Variants in RTN4RL1 observed in about 807,000 individuals in gnomAD.
The protein encoded by RTN4RL1 is reticulon-4 receptor-like 1.
A neutral mutation model predicts 25.6 loss-of-function variants in RTN4RL1; 7 were observed. That is an observed-to-expected ratio of 0.27 (90% CI 0.16 to 0.51). The LOEUF (loss-of-function observed/expected upper bound fraction) is 0.51. Among genes scored for constraint, RTN4RL1 ranks in the 20% least tolerant of loss-of-function variants. The pLI is 0.97. For missense variants in RTN4RL1, 500 were observed against 615.6 expected (o/e 0.81, Z 1.99); for synonymous variants, 297 against 288.2 (o/e 1.03, Z -0.31).
intron 1 of RTN4RL1, among the ~76,000 whole-genome samples, chr17:2,011,515 T>A (rs2067049595): frequency 6.6e-6 from 1 of 151,842 alleles, no homozygotes; most frequent in Admixed American, 6.6e-5. Flanking sequence ...AAGGGGTGGG[T>A]CCATGGCTTT....
intron 1 of RTN4RL1, among the ~76,000 whole-genome samples, chr17:1,999,874 G>A (rs928462895): frequency 3.3e-5 from 5 of 152,198 alleles, no homozygotes; most frequent in East Asian, 1.9e-4. Context: ...GCCTCTTCTC[G>A]CCTCTCCTCT....
At chr17:1,971,556 A>G (rs2066818755) in intron 1 of RTN4RL1, among the ~76,000 whole-genome samples, 1 of 152,148 alleles carries the variant, frequency 6.6e-6, no homozygotes, top group Non-Finnish European at 1.5e-5. Context: ...TTGGCTGGGC[A>G]TGGTGGCTCA....
At chr17:1,950,571 G>A (rs1021658804) in intron 1 of RTN4RL1, among the ~76,000 whole-genome samples, 1 of 152,088 alleles carries the variant, frequency 6.6e-6, no homozygotes, top group African/African-American at 2.4e-5. Context: ...AATGAAGCCG[G>A]GGCAGCAGCT....
chr17:1,950,471 T>C (rs888236499), intron 1 of RTN4RL1, among the ~76,000 whole-genome samples: 1 of 152,064 alleles, frequency 6.6e-6, no homozygotes, highest in African/African-American at 2.4e-5. Context: ...GATGTTTAGT[T>C]GGCTGCAGCT....
At chr17:1,940,698 G>C (rs1278028977) in intron 1 of RTN4RL1, among the ~76,000 whole-genome samples, 3 of 152,114 alleles carry the variant, frequency 2.0e-5, no homozygotes, top group African/African-American at 7.2e-5. Flanking sequence ...CTTCCACAGA[G>C]CCGACACTCC....
intron 1 of RTN4RL1, among the ~76,000 whole-genome samples, chr17:2,000,192 C>G (rs1479384564): frequency 6.6e-6 from 1 of 152,212 alleles, no homozygotes; most frequent in African/African-American, 2.4e-5. Context: ...CTACCCAGCC[C>G]GGCCAGGCCT....
intron 1 of RTN4RL1, among the ~76,000 whole-genome samples, chr17:2,022,861 C>T (rs1209206949): frequency 1.3e-5 from 2 of 152,238 alleles, no homozygotes; most frequent in African/African-American, 4.8e-5. Context: ...GGCAAACACA[C>T]GTGACTGCTA....
At chr17:1,941,200 G>A (rs1176329695) in intron 1 of RTN4RL1, among the ~76,000 whole-genome samples, 4 of 152,186 alleles carry the variant, frequency 2.6e-5, no homozygotes, top group Non-Finnish European at 5.9e-5. Context: ...AGCTAATAGC[G>A]GGTCCCACGG....
Position 1,937,333 on chromosome 17 carries a change from G to T in RTN4RL1, c.489C>A (p.Tyr163Ter). ...YLYLQDNHIE[Y>*]LQDDIFVDLV... ...GGTCCACGAAGATGTCGTCCTGGAGGTACTCGATGTGGTTGTCCTGCAGGT... is the reference window on the plus strand; with the variant it reads ...GGTCCACGAAGATGTCGTCCTGGAGTTACTCGATGTGGTTGTCCTGCAGGT... Residue 163 changes from tyrosine (Y) to a stop codon, truncating the protein, a stop_gained, in exon 2 of 2, where the codon TAC becomes TAA. Coordinates refer to ENST00000331238, the MANE Select transcript of RTN4RL1 (RefSeq NM_178568.4). LOFTEE classifies it high-confidence loss of function. The T allele has an allele frequency of 6.2e-7, 1 of 1,613,680 alleles. No individual in the cohort carries two copies. The highest frequency in any genetic ancestry group is 8.5e-7 in the Non-Finnish European group (1 of 1,179,902).
chr17:1,944,392 T>C (rs950801848), intron 1 of RTN4RL1, among the ~76,000 whole-genome samples: 4 of 152,066 alleles, frequency 2.6e-5, no homozygotes, highest in Admixed American at 2.6e-4. Flanking sequence ...CCCACAAGCC[T>C]CCTCCACTCG....
chr17:1,952,663 C>T (rs925164086), intron 1 of RTN4RL1, among the ~76,000 whole-genome samples: 1 of 151,580 alleles, frequency 6.6e-6, no homozygotes, highest in African/African-American at 2.4e-5. Flanking sequence ...CATTTTCATT[C>T]TGCACAGGTC....
intron 1 of RTN4RL1, among the ~76,000 whole-genome samples, chr17:1,949,580 C>G (rs971125889): frequency 3.9e-5 from 6 of 152,210 alleles, no homozygotes; most frequent in Admixed American, 3.9e-4. Flanking sequence ...GAACCGGCAT[C>G]TAGAGCTCTG....
chr17:1,939,388 A>C (rs1915394749), intron 1 of RTN4RL1, among the ~76,000 whole-genome samples: 1 of 150,860 alleles, frequency 6.6e-6, no homozygotes, highest in Non-Finnish European at 1.5e-5. Context: ...ATAAATAAAT[A>C]AATAAAATAC....
intron 1 of RTN4RL1, among the ~76,000 whole-genome samples, chr17:1,958,844 T>C (rs1397649916): frequency 2.6e-5 from 4 of 152,260 alleles, no homozygotes; most frequent in South Asian, 2.1e-4. Context: ...GGTATAAAAA[T>C]GGATCTTGAA....
At position 2,002,424 on chromosome 17, in the gene RTN4RL1, C is replaced by T. The variant is rs2066964818; in HGVS notation, c.13+22429G>A. Among the ~76,000 whole-genome samples, 2 of 150,978 alleles carry T rather than the reference C, an allele frequency of 1.3e-5. 1 individual carries two copies. Among genetic ancestry groups the T allele is most frequent in the South Asian group, 4.2e-4 (2 of 4,764 alleles). On this transcript the variant is annotated intron_variant, in intron 1 of 1. Coordinates refer to ENST00000331238, the MANE Select transcript of RTN4RL1 (RefSeq NM_178568.4). ...TCTCCTGCCTCAGCCTCCCGAGTAG[C>T]TGGGACTACAGGCGCCCGCCACCTC...
rs372830873 is a variant in RTN4RL1, at chr17:1,936,940, C to T, written c.882G>A (p.Lys294=). The part of the protein sequence containing the change: ...SPGLRHGQDL[K]LLRAEDFRNC... ...TCCGGAAGTCCTCGGCCCTCAGCAG[C>T]TTCAGGTCCTGGCCGTGCCGCAGCC... Residue 294 remains lysine (K), a synonymous_variant, in exon 2 of 2, where the codon AAG becomes AAA. Transcript: ENST00000331238. The T allele has an allele frequency of 1.5e-5, 24 of 1,610,094 alleles. No individual in the cohort carries two copies. The Middle Eastern group carries it at 5.0e-4, about 33-fold the overall frequency.
At chr17:1,951,154 A>G (rs977543806) in intron 1 of RTN4RL1, among the ~76,000 whole-genome samples, 1 of 151,520 alleles carries the variant, frequency 6.6e-6, no homozygotes, top group Non-Finnish European at 1.5e-5. Context: ...AGTCCCAGCT[A>G]CTCGGGAGGC....
intron 1 of RTN4RL1, among the ~76,000 whole-genome samples, chr17:2,023,991 G>T (rs894108114): frequency 6.6e-6 from 1 of 152,110 alleles, no homozygotes; most frequent in Non-Finnish European, 1.5e-5. Flanking sequence ...AGACGCAGAG[G>T]CTGGAACAGC....
intron 1 of RTN4RL1, among the ~76,000 whole-genome samples, chr17:2,002,235 C>T (rs1019290900): frequency 1.3e-5 from 2 of 151,400 alleles, no homozygotes; most frequent in African/African-American, 4.8e-5. Flanking sequence ...TTTCTTCCTT[C>T]CTTCCCTCCC....
Sources: gnomAD v4.1 joint callset for allele counts (sites outside exome capture counted in the v4.1 genomes callset) on GRCh38, gnomAD v4.1.1 for gene constraint, MANE v1.5 for transcripts, NCBI Gene and HGNC (gene_info 2026-07-23, HGNC 2026-07-21) for gene names.